Variants in DDX60 observed in about 807,000 individuals in gnomAD.
DDX60 encodes the protein probable ATP-dependent RNA helicase DDX60.
A neutral mutation model predicts 212.8 loss-of-function variants in DDX60; 165 were observed. The ratio of observed to expected loss-of-function variants is 0.78; its 90% CI spans 0.68 to 0.88. The LOEUF is 0.88. Ranked by LOEUF, DDX60 falls within the 40% of genes least tolerant of loss-of-function variation. The pLI is 0.00. For synonymous variants in DDX60, 703 were observed against 685.3 expected (o/e 1.03, Z -0.40); for missense variants, 1,905 against 2,003.9 (o/e 0.95, Z 0.94).
At position 168,303,695 on chromosome 4, in the gene DDX60, C is replaced by T. The variant is rs141301987; in HGVS notation, c.607-1279G>A. Among the ~76,000 whole-genome samples the T allele has an allele frequency of 8.4e-3, 1,277 of 152,190 alleles. 8 individuals carry two copies. The highest frequency in any genetic ancestry group is 0.012 in the Non-Finnish European group (837 of 67,992). On this transcript the variant is annotated intron_variant, in intron 5 of 37. Transcript: ENST00000393743. ...CTGTGCTGCCAGGCATATAAAAGTA[C>T]AGCATAGGCTGGGCGTGGTGGCTCA...
At chr4:168,222,022 C>G in intron 35 of DDX60, 141 bp from the exon 36 acceptor site, 1 of 862,504 alleles carries the variant, frequency 1.2e-6, no homozygotes, top group South Asian at 2.0e-5. Context: ...GGTGCCTTAG[C>G]CACACATTGT....
intron 35 of DDX60, among the ~76,000 whole-genome samples, chr4:168,223,880 A>T (rs1221978070): frequency 6.6e-6 from 1 of 152,088 alleles, no homozygotes; most frequent in Non-Finnish European, 1.5e-5. Flanking sequence ...ATTCCATTTT[A>T]GGCATCAATG....
At chr4:168,240,613 T>C (rs1560820964) in intron 30 of DDX60, among the ~76,000 whole-genome samples, 1 of 151,800 alleles carries the variant, frequency 6.6e-6, no homozygotes. Flanking sequence ...ACACAGACCA[T>C]TGGAACAGAA....
intron 22 of DDX60, among the ~76,000 whole-genome samples, chr4:168,266,889 C>T (rs1361485989): frequency 6.6e-6 from 1 of 152,112 alleles, no homozygotes; most frequent in Non-Finnish European, 1.5e-5. Flanking sequence ...TTAATCATCA[C>T]AACAATCTTA....
At chr4:168,249,185 T>C (rs1256346894) in intron 28 of DDX60, among the ~76,000 whole-genome samples, 2 of 152,230 alleles carry the variant, frequency 1.3e-5, no homozygotes, top group South Asian at 2.1e-4. Flanking sequence ...ATTATGCCTA[T>C]GGAAAAAGCA....
intron 10 of DDX60, among the ~76,000 whole-genome samples, chr4:168,286,589 G>C (rs990759748): frequency 6.6e-6 from 1 of 152,016 alleles, no homozygotes; most frequent in Admixed American, 6.6e-5. Flanking sequence ...GCCTGCGTTT[G>C]TCGGGATCCT....
upstream of DDX60, among the ~76,000 whole-genome samples, chr4:168,323,028 G>A (rs1024626377): frequency 4.6e-5 from 7 of 152,200 alleles, no homozygotes; most frequent in Non-Finnish European, 1.0e-4. Flanking sequence ...TTTGGAGCTG[G>A]GTGCAGAGTA....
chr4:168,254,735 A>G (rs6552570), intron 26 of DDX60, among the ~76,000 whole-genome samples: 15,731 of 152,176 alleles, frequency 0.1, 1,815 homozygotes, highest in African/African-American at 0.28. Flanking sequence ...GCAGGAATCA[A>G]GGAAAGATTC....
chr4:168,221,213 C>A (rs183755909), intron 36 of DDX60, among the ~76,000 whole-genome samples: 3 of 152,206 alleles, frequency 2.0e-5, no homozygotes, highest in South Asian at 4.1e-4. Context: ...AATGCCCCTC[C>A]CCAAATCTAT....
intron 10 of DDX60, among the ~76,000 whole-genome samples, chr4:168,286,621 C>CTT (rs1735873680): frequency 6.6e-6 from 1 of 152,084 alleles, no homozygotes; most frequent in Non-Finnish European, 1.5e-5. Context: ...GCCCCTGCAA[C>CTT]TTGCTGCCTA....
chr4:168,262,631 T>C (rs1734669069), intron 23 of DDX60, 52 bp downstream of exon 23: 1 of 1,232,878 alleles, frequency 8.1e-7, no homozygotes, highest in African/African-American at 1.5e-5. Flanking sequence ...GGTGAGAGTT[T>C]GTCAATATTA....
chr4:168,319,909 T>C (rs1383957981), upstream of DDX60, among the ~76,000 whole-genome samples: 1 of 152,140 alleles, frequency 6.6e-6, no homozygotes, highest in Non-Finnish European at 1.5e-5. Flanking sequence ...AGAGTCAAGT[T>C]GTTAAAAGAG....
chr4:168,325,043 T>A, the DDX60 span, among the ~76,000 whole-genome samples: 5 of 152,244 alleles, frequency 3.3e-5, no homozygotes, highest in African/African-American at 9.6e-5. Flanking sequence ...CAGATTTTTT[T>A]AAAAAACAAA....
Position 168,224,344 on chromosome 4 carries a change from G to A in DDX60, c.4723C>T (p.His1575Tyr). ...CTTCCTTCCTTGCAGCTCATCAAAT[G>A]AGATACGAGTTGAGAGTCTTCACAT... ...KECEDSQLVS[H>Y]LMSCKEGRVA... Residue 1575 changes from histidine (H) to tyrosine (Y), a missense_variant, in exon 35 of 38, where the codon CAT (histidine) becomes TAT (tyrosine). Coordinates refer to ENST00000393743, the MANE Select transcript of DDX60 (RefSeq NM_017631.6). 6.2e-7 allele frequency: 1 copy of A among 1,611,896 alleles called. No individual in the cohort carries two copies. Among genetic ancestry groups the A allele is most frequent in the Non-Finnish European group, 8.5e-7 (1 of 1,178,534 alleles).
Position 168,297,284 on chromosome 4 carries a change from AG to A in DDX60, c.724-3340del, listed in dbSNP as rs1560869809. Among the ~76,000 whole-genome samples, 17 of 130,106 alleles carry A rather than the reference AG, an allele frequency of 1.3e-4. 1 individual carries two copies. The highest frequency in any genetic ancestry group is 6.1e-4 in the African/African-American group (17 of 27,788). 85.4% of individuals were successfully genotyped at this position (130,106 alleles called of 152,430 possible). A position where few individuals can be genotyped will look rare whatever the true frequency, so the allele number is the denominator to read the frequency against. ...GAAAGAAAGAAAAAGAAAGAAAGAA[AG>A]AGAGAGAGAGACGAAAGAAAGAAAG... On this transcript the variant is annotated intron_variant, in intron 6 of 37. Transcript: ENST00000393743.
intron 35 of DDX60, 118 bp downstream of exon 35, chr4:168,224,125 C>G: frequency 9.2e-7 from 1 of 1,084,640 alleles, no homozygotes; most frequent in Non-Finnish European, 1.3e-6. Context: ...GTTGATACAC[C>G]CAGATTTTTT....
intron 1 of DDX60, among the ~76,000 whole-genome samples, chr4:168,313,411 A>G (rs1285584222): frequency 1.3e-5 from 2 of 152,182 alleles, no homozygotes; most frequent in African/African-American, 4.8e-5. Context: ...TTGGAAAGGT[A>G]GGTTAGAACC....
At chr4:168,233,549 G>A (rs1117105) in intron 33 of DDX60, among the ~76,000 whole-genome samples, 4,045 of 152,066 alleles carry the variant, frequency 0.027, 147 homozygotes, top group African/African-American at 0.089. Flanking sequence ...TGAAATAAGA[G>A]CATTCACAAG....
At chr4:168,254,119 A>C (rs1734320856) in intron 26 of DDX60, among the ~76,000 whole-genome samples, 1 of 152,216 alleles carries the variant, frequency 6.6e-6, no homozygotes, top group African/African-American at 2.4e-5. Context: ...ATAAACCGTC[A>C]AATAAAATAA....
Sources: gnomAD v4.1 joint callset for allele counts (sites outside exome capture counted in the v4.1 genomes callset) on GRCh38, gnomAD v4.1.1 for gene constraint, MANE v1.5 for transcripts, NCBI Gene and HGNC (gene_info 2026-07-23, HGNC 2026-07-21) for gene names.